CACNG2: variants seen among roughly 807,000 people sequenced by gnomAD.
CACNG2 encodes the protein voltage-dependent calcium channel gamma-2 subunit.
CACNG2 carries 3 observed loss-of-function variants against 25.9 expected under a neutral mutation model. The observed-to-expected ratio is 0.12, with a 90% CI of 0.05 to 0.30. The LOEUF (loss-of-function observed/expected upper bound fraction) is 0.30. Among genes scored for constraint, CACNG2 ranks in the 10% least tolerant of loss-of-function variants. CACNG2 has a pLI of 1.00. For missense variants in CACNG2, 341 were observed against 432.5 expected, an observed-to-expected ratio of 0.79 and a Z score of 1.88; for synonymous variants, 167 against 173.3, an observed-to-expected ratio of 0.96 and a Z score of 0.29.
intron 1 of CACNG2, among the ~76,000 whole-genome samples, chr22:36,678,870 C>T (rs1240599788): frequency 1.3e-5 from 2 of 152,188 alleles, no homozygotes; most frequent in Admixed American, 1.3e-4. Flanking sequence ...ACTTCTCAAA[C>T]CCTACTTGGC....
At chr22:36,658,819 G>A (rs1335487802) in intron 1 of CACNG2, among the ~76,000 whole-genome samples, 1 of 152,166 alleles carries the variant, frequency 6.6e-6, no homozygotes, top group Non-Finnish European at 1.5e-5. Context: ...CAGGGCAAGA[G>A]TGTGCGGGGA....
chr22:36,620,777 C>T (rs752347543), intron 1 of CACNG2, among the ~76,000 whole-genome samples: 1 of 152,250 alleles, frequency 6.6e-6, no homozygotes, highest in Non-Finnish European at 1.5e-5. Context: ...ATGAGAGTCA[C>T]ATTTGCATTA....
intron 1 of CACNG2, among the ~76,000 whole-genome samples, chr22:36,701,725 G>A (rs974157430): frequency 2.0e-5 from 3 of 152,160 alleles, no homozygotes; most frequent in Non-Finnish European, 2.9e-5. Context: ...CTTTGTAAAC[G>A]TTAAAATACA....
rs1021475125 is a variant in CACNG2 at position 36,564,841 on chromosome 22, G to A, written c.482C>T (p.Ala161Val). Residue 161 changes from alanine to valine, a missense_variant, in exon 4 of 4, where the codon GCC becomes GTC. Ala to Val is a moderately conservative substitution (Grantham distance 64). Coordinates refer to ENST00000300105, the MANE Select transcript of CACNG2 (RefSeq NM_006078.5). The surrounding 1 kb of genome is among the most constrained non-coding windows in gnomAD (Gnocchi z 6.7). ...GGAGTCGCTCTTGGAGGGGTCTCCG[G>A]CATTGGCAGATATGTACACTATGAT... ...IGIIVYISAN[A>V]GDPSKSDSKK... The A allele has an allele frequency of 1.2e-6, 2 of 1,613,970 alleles. No homozygotes were observed. Among genetic ancestry groups the A allele is most frequent in the African/African-American group, 2.7e-5 (2 of 74,918 alleles).
intron 1 of CACNG2, among the ~76,000 whole-genome samples, chr22:36,620,536 T>C (rs1936090679): frequency 6.6e-6 from 1 of 152,170 alleles, no homozygotes; most frequent in Admixed American, 6.5e-5. Context: ...TATGGTGGAG[T>C]GTTTAAGAAC....
At chr22:36,693,144 T>TA (rs903994277) in intron 1 of CACNG2, among the ~76,000 whole-genome samples, 5 of 151,568 alleles carry the variant, frequency 3.3e-5, no homozygotes, top group African/African-American at 9.7e-5. Flanking sequence ...AGACTCTGTC[T>TA]AAAAAAAAGA....
At chr22:36,639,106 G>C (rs968445489) in intron 1 of CACNG2, among the ~76,000 whole-genome samples, 1 of 152,186 alleles carries the variant, frequency 6.6e-6, no homozygotes, top group Non-Finnish European at 1.5e-5. Flanking sequence ...TTGGATCGTG[G>C]ATCCTCCAGT....
chr22:36,565,709 C>G (rs921261517), intron 3 of CACNG2, among the ~76,000 whole-genome samples: 1 of 152,220 alleles, frequency 6.6e-6, no homozygotes, highest in Non-Finnish European at 1.5e-5. Context: ...AGGCTGGTCT[C>G]GGACTCCTGA....
intron 3 of CACNG2, among the ~76,000 whole-genome samples, chr22:36,565,899 G>A (rs1184203024): frequency 2.0e-5 from 3 of 152,258 alleles, no homozygotes; most frequent in Non-Finnish European, 2.9e-5. Context: ...ACATCTGGAT[G>A]TGGGTGCCTG....
At chr22:36,598,862 C>A (rs924890634) in intron 1 of CACNG2, among the ~76,000 whole-genome samples, 5 of 152,064 alleles carry the variant, frequency 3.3e-5, no homozygotes, top group African/African-American at 9.6e-5. Flanking sequence ...GCCTGTAGTC[C>A]CAGCTACTCG....
chr22:36,670,630 T>TGTTTGTTTGTTTG lies in CACNG2; in HGVS notation c.211+31735_211+31736insCAAACAAACAAAC, dbSNP rs1555900629. Among the ~76,000 whole-genome samples, 8 of 151,198 alleles carry TGTTTGTTTGTTTG rather than the reference T, an allele frequency of 5.3e-5. No individual in the cohort carries two copies. In the East Asian group the frequency reaches 5.8e-4, roughly 11 times the overall value. ...TTTTTTTGTGTGTTTTGTTTTTGTT[T>TGTTTGTTTGTTTG]TTTTGTTTTGTTTTGTTTTTTGAGA... On this transcript the variant is annotated intron_variant, in intron 1 of 3. Coordinates refer to ENST00000300105, the MANE Select transcript of CACNG2 (RefSeq NM_006078.5).
At chr22:36,667,238 C>T (rs942256331) in intron 1 of CACNG2, among the ~76,000 whole-genome samples, 20 of 152,332 alleles carry the variant, frequency 1.3e-4, no homozygotes, top group African/African-American at 4.3e-4. Flanking sequence ...CAGGCATGAG[C>T]AGCTGCGTCC....
intron 1 of CACNG2, among the ~76,000 whole-genome samples, chr22:36,661,654 GCATGT>G (rs1936796473): frequency 6.6e-6 from 1 of 152,152 alleles, no homozygotes; most frequent in South Asian, 2.1e-4. Context: ...TGGCTCCATT[GCATGT>G]CAACAAATGA....
intron 2 of CACNG2, among the ~76,000 whole-genome samples, chr22:36,568,376 G>A (rs1935163955): frequency 6.6e-6 from 1 of 151,528 alleles, no homozygotes; most frequent in African/African-American, 2.4e-5. Context: ...AGAACTGTAG[G>A]GATTTTTCTT....
chr22:36,635,946 T>G (rs1233709579), intron 1 of CACNG2, among the ~76,000 whole-genome samples: 3 of 152,222 alleles, frequency 2.0e-5, no homozygotes, highest in African/African-American at 7.2e-5. Context: ...TCTCTGCTGC[T>G]GCCTTCCTGG....
intron 1 of CACNG2, among the ~76,000 whole-genome samples, chr22:36,646,771 C>T (rs749252799): frequency 6.6e-6 from 1 of 151,766 alleles, no homozygotes; most frequent in Non-Finnish European, 1.5e-5. Flanking sequence ...CCCACCCTCC[C>T]AGCTGCAGAC....
Position 36,702,688 on chromosome 22 carries a change from C to G in CACNG2, c.-112G>C. 1.3e-6 allele frequency: 1 copy of G among 746,176 alleles called. No homozygotes were observed. Among genetic ancestry groups the G allele is most frequent in the African/African-American group, 1.7e-5 (1 of 57,156 alleles). The allele number at this position is 746,176 out of a possible 1,614,324, so 46.2% of individuals were successfully genotyped here. ...AATAAAAATAAAAATTATTCCACTA[C>G]TAATATAATGGATATATGTATGAAT... On this transcript the variant is annotated 5_prime_UTR_variant, in exon 1 of 4. Coordinates refer to ENST00000300105, the MANE Select transcript of CACNG2 (RefSeq NM_006078.5).
At chr22:36,589,294 CAT>C (rs761046442) in intron 1 of CACNG2, among the ~76,000 whole-genome samples, 42 of 151,030 alleles carry the variant, frequency 2.8e-4, no homozygotes, top group Non-Finnish European at 2.2e-4. Flanking sequence ...CCAGCCTAGA[CAT>C]ATATATATAT....
At chr22:36,570,261 G>A (rs1376554742) in intron 2 of CACNG2, among the ~76,000 whole-genome samples, 3 of 152,238 alleles carry the variant, frequency 2.0e-5, no homozygotes, top group Non-Finnish European at 4.4e-5. Context: ...GATGGAGGGC[G>A]GCGGGAGAGC....
Sources: gnomAD v4.1 joint callset for allele counts (sites outside exome capture counted in the v4.1 genomes callset) on GRCh38, gnomAD v4.1.1 for gene constraint, Gnocchi (gnomAD v3.1) non-coding constraint, MANE v1.5 for transcripts, NCBI Gene and HGNC (gene_info 2026-07-23, HGNC 2026-07-21) for gene names.